CRY1: variants seen among roughly 807,000 people sequenced by gnomAD.
CRY1 encodes cryptochrome-1.
Under a neutral mutation model 76.0 loss-of-function variants are expected in CRY1, and 45 were observed. The ratio of observed to expected loss-of-function variants is 0.59; its 90% confidence interval spans 0.47 to 0.76. The LOEUF (loss-of-function observed/expected upper bound fraction) is 0.76. CRY1 is among the 30% of genes least tolerant of loss of function. The pLI is 0.00. For missense variants in CRY1, 587 were observed against 716.4 expected (o/e 0.82, Z 2.06); for synonymous variants, 248 against 244.0 (o/e 1.02, Z -0.15).
intron 2 of CRY1, among the ~76,000 whole-genome samples, chr12:107,008,086 C>G (rs1032458076): frequency 6.6e-6 from 1 of 152,186 alleles, no homozygotes; most frequent in African/African-American, 2.4e-5. Flanking sequence ...TAAGCAGCAC[C>G]TCCCGCAGTG....
At chr12:107,038,622 C>CGT (rs1952763483) in intron 1 of CRY1, among the ~76,000 whole-genome samples, 1 of 152,104 alleles carries the variant, frequency 6.6e-6, no homozygotes, top group Non-Finnish European at 1.5e-5. Flanking sequence ...GATGGAAAAT[C>CGT]GTAAGAGGGT....
chr12:107,010,535 CTG>C (rs1404574004), intron 2 of CRY1, among the ~76,000 whole-genome samples: 6 of 152,174 alleles, frequency 3.9e-5, no homozygotes, highest in Admixed American at 3.9e-4. Context: ...CCTCGTGTCT[CTG>C]TGTCACATTT....
chr12:106,999,735 A>G lies in CRY1; in HGVS notation c.953T>C (p.Ile318Thr). ...KMEGNPICVQ[I>T]PWDKNPEALA... is the part of the protein sequence containing the mutation. Reference sequence around the variant, plus strand: ...AGCCTCAGGATTTTTATCCCAAGGAATCTGAACACAGATAGGGTTTCCTTC... The same window carrying G: ...AGCCTCAGGATTTTTATCCCAAGGAGTCTGAACACAGATAGGGTTTCCTTC... Residue 318 changes from isoleucine to threonine, a missense_variant, in exon 7 of 13, where the codon ATT (isoleucine) becomes ACT (threonine). Coordinates refer to ENST00000008527, the MANE Select transcript of CRY1 (RefSeq NM_004075.5). 2 of 1,614,248 alleles carry G rather than the reference A, an allele frequency of 1.2e-6. No individual in the cohort carries two copies. The highest frequency in any genetic ancestry group is 1.7e-6 in the Non-Finnish European group (2 of 1,180,040).
chr12:107,025,377 G>A (rs1441308338), intron 1 of CRY1, among the ~76,000 whole-genome samples: 1 of 152,122 alleles, frequency 6.6e-6, no homozygotes, highest in African/African-American at 2.4e-5. Flanking sequence ...TCATTGCACA[G>A]ATGTCCTATA....
Position 106,999,559 on chromosome 12 carries a change from C to T in CRY1, c.1129G>A (p.Gly377Arg). 1 of 1,610,872 alleles carries T rather than the reference C, an allele frequency of 6.2e-7. No homozygotes were observed. The highest frequency in any genetic ancestry group is 8.5e-7 in the Non-Finnish European group (1 of 1,178,600). ...TCAGTTAGAACACTTACCTTCATTC[C>T]TTCTTCCCAACTAATCCACAGGTCC... The part of the protein sequence containing the change: ...RGDLWISWEE[G>R]MKVFEELLLD... Residue 377 changes from glycine (G) to arginine (R), a missense_variant, in exon 7 of 13, where the codon GGA (glycine) becomes AGA (arginine). Gly to Arg is a moderately radical substitution (Grantham distance 125). Coordinates refer to ENST00000008527, the MANE Select transcript of CRY1 (RefSeq NM_004075.5).
chr12:107,011,813 A>G (rs12368868), intron 2 of CRY1, among the ~76,000 whole-genome samples: 13,833 of 152,352 alleles, frequency 0.091, 943 homozygotes, highest in Admixed American at 0.22. Context: ...AGGTGGCTAC[A>G]CTAAACTACA....
intron 1 of CRY1, among the ~76,000 whole-genome samples, chr12:107,036,196 G>A (rs545993097): frequency 3.9e-5 from 6 of 152,130 alleles, no homozygotes; most frequent in Non-Finnish European, 8.8e-5. Context: ...ACACGGCCTC[G>A]CCAGACTGCA....
chr12:107,032,701 C>T (rs1174727049), intron 1 of CRY1, among the ~76,000 whole-genome samples: 3 of 152,270 alleles, frequency 2.0e-5, no homozygotes, highest in Admixed American at 6.5e-5. Flanking sequence ...CTCAACTACT[C>T]GGGAAGCAAA....
intron 1 of CRY1, among the ~76,000 whole-genome samples, chr12:107,063,650 T>C (rs956097868): frequency 3.3e-5 from 5 of 152,090 alleles, no homozygotes; most frequent in Non-Finnish European, 7.3e-5. Flanking sequence ...CAGGCTGGAG[T>C]GCAGTGGTGC....
At chr12:107,075,518 C>T (rs1042006387) in intron 1 of CRY1, among the ~76,000 whole-genome samples, 5 of 152,028 alleles carry the variant, frequency 3.3e-5, no homozygotes, top group African/African-American at 1.2e-4. Flanking sequence ...TCAACTTTAA[C>T]GAATAATAGG....
chr12:107,031,029 A>C (rs79503631), intron 1 of CRY1, among the ~76,000 whole-genome samples: 1,829 of 152,330 alleles, frequency 0.012, 41 homozygotes, highest in African/African-American at 0.042. Context: ...TATTCAAATC[A>C]ATGTCAAAAC....
intron 1 of CRY1, among the ~76,000 whole-genome samples, chr12:107,059,679 A>G (rs1227525328): frequency 1.3e-5 from 2 of 151,846 alleles, no homozygotes; most frequent in Non-Finnish European, 2.9e-5. Flanking sequence ...CCAGTAGATG[A>G]TGTATACTAT....
intron 1 of CRY1, among the ~76,000 whole-genome samples, chr12:107,069,010 A>G (rs1033199016): frequency 1.3e-5 from 2 of 152,190 alleles, no homozygotes; most frequent in African/African-American, 4.8e-5. Flanking sequence ...GATTGTGAAT[A>G]GTGCTGCTAT....
At position 106,999,873 on chromosome 12, in the gene CRY1, A is replaced by C; in HGVS notation, c.826-11T>G. On this transcript the variant is annotated splice_polypyrimidine_tract_variant and intron_variant, in intron 6 of 12. Transcript: ENST00000008527. ...ACTGTTCTTCTTTACCTATGGTTAA[A>C]AAGCAAAGAAGTATTATCAGAATTT... is the stretch of plus-strand genomic sequence containing the variant. The C allele has an allele frequency of 6.3e-7, 1 of 1,599,818 alleles. No homozygotes were observed. The highest frequency in any genetic ancestry group is 8.5e-7 in the Non-Finnish European group (1 of 1,175,366).
chr12:107,087,057 GGAAAA>G (rs1489588975), intron 1 of CRY1, among the ~76,000 whole-genome samples: 1 of 152,180 alleles, frequency 6.6e-6, no homozygotes, highest in Admixed American at 6.5e-5. Flanking sequence ...AAAAAGAAAA[GGAAAA>G]GAAAAGTCAG....
rs149414820 is a variant in CRY1, at chr12:107,044,793, A to G, written c.159-22601T>C. Among the ~76,000 whole-genome samples the G allele has an allele frequency of 4.2e-3, 647 of 152,332 alleles. 5 individuals carry two copies. Among genetic ancestry groups the G allele is most frequent in the African/African-American group, 0.015 (622 of 41,584 alleles). On this transcript the variant is annotated intron_variant, in intron 1 of 12. Coordinates refer to ENST00000008527, the MANE Select transcript of CRY1 (RefSeq NM_004075.5). ...GATCAAAAAGAAAGAATCTCTGAAT[A>G]TGAAGGTAAGTTATTTGAAATTTGT...
chr12:107,005,085 A>T (rs1335229044), intron 3 of CRY1, 21 bp downstream of exon 3: 11 of 176,234 alleles, frequency 6.2e-5, no homozygotes, highest in South Asian at 1.8e-4. Context: ...TTCCCACAGT[A>T]AAAAAAAAAA....
chr12:107,070,737 G>C (rs192814470), intron 1 of CRY1, among the ~76,000 whole-genome samples: 72 of 150,936 alleles, frequency 4.8e-4, no homozygotes, highest in African/African-American at 1.7e-3. Context: ...GTCTCACTCT[G>C]TCGCCCAGGC....
intron 2 of CRY1, among the ~76,000 whole-genome samples, chr12:107,009,493 T>C (rs1219052321): frequency 6.7e-6 from 1 of 149,374 alleles, no homozygotes; most frequent in Non-Finnish European, 1.5e-5. Flanking sequence ...GAGCCAAGGT[T>C]GTACCACTGC....
Sources: gnomAD v4.1 joint callset for allele counts (sites outside exome capture counted in the v4.1 genomes callset) on GRCh38, gnomAD v4.1.1 for gene constraint, MANE v1.5 for transcripts, NCBI Gene and HGNC (gene_info 2026-07-23, HGNC 2026-07-21) for gene names.